NUP210L: variants seen among roughly 807,000 people sequenced by gnomAD.
The protein encoded by NUP210L is nucleoporin 210 like, also known as nuclear pore membrane glycoprotein 210-like.
Under a neutral mutation model 208.5 loss-of-function variants are expected in NUP210L, and 74 were observed. The observed-to-expected ratio is 0.35, with a 90% CI of 0.29 to 0.43. The LOEUF (loss-of-function observed/expected upper bound fraction) is 0.43. NUP210L is among the 20% of genes least tolerant of loss of function. The pLI is 1.00. For missense variants in NUP210L, 1,843 were observed against 2,289.4 expected (o/e 0.81, Z 3.98); for synonymous variants, 780 against 816.9 (o/e 0.95, Z 0.77).
At chr1:154,141,332 G>A in intron 4 of NUP210L, 99 bp downstream of exon 4, 1 of 753,510 alleles carries the variant, frequency 1.3e-6, no homozygotes, top group South Asian at 1.5e-5. Flanking sequence ...AGATAGCAGG[G>A]TCATCAAAGT....
At chr1:154,072,810 T>C (rs1025951193) in intron 16 of NUP210L, among the ~76,000 whole-genome samples, 4 of 152,182 alleles carry the variant, frequency 2.6e-5, no homozygotes, top group Admixed American at 2.6e-4. Flanking sequence ...CTTGAAACTA[T>C]AAAAATTCTA....
Position 154,027,573 on chromosome 1 carries a change from A to T in NUP210L, c.3880T>A (p.Tyr1294Asn), listed in dbSNP as rs376274427. 9.1e-5 allele frequency: 147 copies of T among 1,613,320 alleles called. No homozygotes were observed. The highest frequency in any genetic ancestry group is 3.2e-4 in the Admixed American group (19 of 59,968). The change falls in exon 29 of 40, where the codon TAT (tyrosine) becomes AAT (asparagine). Residue 1294 changes from tyrosine to asparagine, a missense_variant. Physicochemically the swap from Tyr to Asn is moderately radical, Grantham distance 143. Coordinates refer to ENST00000368559, the Ensembl canonical transcript of NUP210L. Reference sequence around the variant, plus strand: ...ATCTGCTCTGGTTGGCACTCTGGATAGAAGAGTTGGAGTTTTTCAAACACC... The same window carrying T: ...ATCTGCTCTGGTTGGCACTCTGGATTGAAGAGTTGGAGTTTTTCAAACACC...
chr1:154,129,181 ATGAAAGT>A, intron 8 of NUP210L, 89 bp downstream of exon 8: 1 of 711,236 alleles, frequency 1.4e-6, no homozygotes, highest in Non-Finnish European at 2.4e-6. Context: ...AAGTCCCAGA[ATGAAAGT>A]TGAAAGTTGA....
chr1:154,030,911 T>TA (rs140638576), intron 27 of NUP210L, among the ~76,000 whole-genome samples: 8 of 151,904 alleles, frequency 5.3e-5, no homozygotes, highest in East Asian at 1.9e-4. Flanking sequence ...CCAGCTAATT[T>TA]AAAAAAAATT....
chr1:154,090,068 C>A (rs531184904), intron 15 of NUP210L, among the ~76,000 whole-genome samples: 7 of 151,730 alleles, frequency 4.6e-5, no homozygotes, highest in Non-Finnish European at 8.8e-5. Flanking sequence ...CAGAATGAGA[C>A]CCTGTCTAAA....
intron 35 of NUP210L, among the ~76,000 whole-genome samples, chr1:154,004,488 C>T (rs1288636462): frequency 6.6e-6 from 1 of 152,108 alleles, no homozygotes; most frequent in Non-Finnish European, 1.5e-5. Flanking sequence ...CTGCCTCAGC[C>T]TCCCACGTAG....
At chr1:154,012,441 C>T in intron 33 of NUP210L, 71 bp from the exon 34 acceptor site, 1 of 1,465,444 alleles carries the variant, frequency 6.8e-7, no homozygotes, top group South Asian at 1.3e-5. Context: ...ATCCACCCCT[C>T]ATAACTTATT....
At chr1:154,099,581 C>T (rs931652519) in intron 14 of NUP210L, among the ~76,000 whole-genome samples, 3 of 152,148 alleles carry the variant, frequency 2.0e-5, no homozygotes, top group Non-Finnish European at 4.4e-5. Context: ...GACTTCCTTC[C>T]ATAGGACAGA....
In NUP210L at chr1:154,056,826, G is replaced by T. The variant is rs760261503; in HGVS notation, c.3229C>A (p.Arg1077=). ...GATAATTTCCTTACTTCAATGTGCCGAGGAGTTGATGTGTATTTTCTTCCC... is the reference window on the plus strand; with the variant it reads ...GATAATTTCCTTACTTCAATGTGCCTAGGAGTTGATGTGTATTTTCTTCCC... The change falls in exon 23 of 40, where the codon CGG becomes AGG. Residue 1077 remains arginine, a synonymous_variant. Transcript: ENST00000368559. The T allele has an allele frequency of 3.2e-6, 5 of 1,579,490 alleles. No homozygotes were observed. In the Admixed American group the frequency reaches 8.0e-5, roughly 25 times the overall value.
chr1:154,106,437 A>G (rs1656766769), intron 12 of NUP210L, among the ~76,000 whole-genome samples: 1 of 152,122 alleles, frequency 6.6e-6, no homozygotes, highest in Non-Finnish European at 1.5e-5. Context: ...GGAGCTTCCC[A>G]TCCTGAAACG....
At chr1:154,062,189 T>C (rs1156443588) in intron 17 of NUP210L, among the ~76,000 whole-genome samples, 2 of 152,146 alleles carry the variant, frequency 1.3e-5, no homozygotes, top group African/African-American at 2.4e-5. Flanking sequence ...GCAAACACTT[T>C]ATCTCTTATT....
chr1:154,034,495 A>G (rs1652423840), intron 27 of NUP210L, among the ~76,000 whole-genome samples: 1 of 151,860 alleles, frequency 6.6e-6, no homozygotes, highest in Non-Finnish European at 1.5e-5. Context: ...TGCCCAGCTA[A>G]TTTTTGTATT....
chr1:154,076,980 G>A (rs943085573), intron 16 of NUP210L, among the ~76,000 whole-genome samples: 2 of 152,082 alleles, frequency 1.3e-5, no homozygotes, highest in Non-Finnish European at 2.9e-5. Flanking sequence ...AACAGAAAGG[G>A]AAGGGATTCA....
intron 33 of NUP210L, among the ~76,000 whole-genome samples, chr1:154,018,406 A>C (rs1651384648): frequency 6.6e-6 from 1 of 152,146 alleles, no homozygotes; most frequent in African/African-American, 2.4e-5. Context: ...AATTTTACAT[A>C]TCCAAAGATG....
At chr1:154,135,883 G>C in exon 7 of NUP210L, 2 of 1,611,956 alleles carry the variant, frequency 1.2e-6, no homozygotes, top group Non-Finnish European at 8.5e-7. Context: ...TTGTCATCCA[G>C]TATAGCCACT....
chr1:154,152,769 G>A lies in NUP210L; in HGVS notation c.307C>T (p.Arg103Cys), dbSNP rs372984030. ...CGAGCAAGAATAATACTGCTGAGGC[G>A]TATCGGTTGCGTAGATTCAGCAATG... The change falls in exon 2 of 40, where the codon CGC becomes TGC. Residue 103 changes from arginine to cysteine, a missense_variant. By Grantham distance (180) the Arg-to-Cys change is radical (BLOSUM62 -3). Coordinates refer to ENST00000368559, the Ensembl canonical transcript of NUP210L. 3.5e-5 allele frequency: 56 copies of A among 1,613,918 alleles called. No homozygotes were observed. The Middle Eastern group carries it at 1.3e-3, about 38-fold the overall frequency.
intron 12 of NUP210L, among the ~76,000 whole-genome samples, chr1:154,105,199 T>G (rs1250202015): frequency 1.3e-5 from 2 of 152,186 alleles, no homozygotes; most frequent in Non-Finnish European, 2.9e-5. Flanking sequence ...TAAAGAGCCC[T>G]TGGGCCTTGG....
At chr1:154,123,392 C>T (rs1657714661) in intron 10 of NUP210L, among the ~76,000 whole-genome samples, 1 of 152,070 alleles carries the variant, frequency 6.6e-6, no homozygotes, top group African/African-American at 2.4e-5. Flanking sequence ...GTGATCCACC[C>T]GCCTGGGCCT....
chr1:153,997,603 A>C (rs545783846), intron 37 of NUP210L, among the ~76,000 whole-genome samples: 6 of 150,248 alleles, frequency 4.0e-5, no homozygotes, highest in Admixed American at 4.0e-4. Context: ...AGTAGCTAGG[A>C]CTGCAGGCCA....
Sources: allele counts gnomAD v4.1 joint callset (sites outside exome capture counted in the v4.1 genomes callset), GRCh38; gene constraint gnomAD v4.1.1; transcripts MANE v1.5; gene names NCBI Gene and HGNC (gene_info 2026-07-23, HGNC 2026-07-21).